FHIT: variants seen among roughly 807,000 people sequenced by gnomAD.
FHIT encodes bis(5'-adenosyl)-triphosphatase.
In FHIT, 19 loss-of-function variants were observed where a neutral mutation model predicts 17.9. The ratio of observed to expected loss-of-function variants is 1.06; its 90% CI spans 0.74 to 1.56. The LOEUF (loss-of-function observed/expected upper bound fraction) is 1.56. Among genes scored for constraint, FHIT ranks in the 40% most tolerant of loss-of-function variants. The pLI, the probability that FHIT is intolerant of heterozygous loss-of-function variation, is 0.00. For missense variants in FHIT, 248 were observed against 189.2 expected (o/e 1.31, Z -1.82); for synonymous variants, 81 against 69.7 (o/e 1.16, Z -0.81).
intron 5 of FHIT, among the ~76,000 whole-genome samples, chr3:60,442,980 G>C (rs568633356): frequency 3.3e-5 from 5 of 151,982 alleles, no homozygotes; most frequent in Admixed American, 2.0e-4. Flanking sequence ...CCTTGAAGAG[G>C]TCCTTCACAT....
chr3:60,536,862 C>T lies in FHIT; in HGVS notation c.101G>A (p.Gly34Glu), dbSNP rs760416104. 11 of 1,601,148 alleles carry T rather than the reference C, an allele frequency of 6.9e-6. No homozygotes were observed. Among genetic ancestry groups the T allele is most frequent in the Non-Finnish European group, 9.4e-6 (11 of 1,175,524 alleles). ...CCAAAAAAAAAAAGAAAGGATACGT[C>T]CTGGTACCACAGGTTTCCTATTCAC... is the stretch of plus-strand genomic sequence containing the variant. The part of the protein sequence containing the change: ...ALVNRKPVVP[G>E]HVLVCPLRPV... Residue 34 changes from glycine (G) to glutamate (E), a missense_variant and splice_region_variant, in exon 5 of 10, where the codon GGA (glycine) becomes GAA (glutamate). Coordinates refer to ENST00000492590, the MANE Select transcript of FHIT (RefSeq NM_002012.4).
At chr3:60,840,303 T>C (rs1413892194) in intron 3 of FHIT, among the ~76,000 whole-genome samples, 1 of 152,194 alleles carries the variant, frequency 6.6e-6, no homozygotes, top group African/African-American at 2.4e-5. Flanking sequence ...AATTTTCACA[T>C]CTTTCATGAT....
At chr3:60,576,802 C>T (rs1553657750) in intron 4 of FHIT, among the ~76,000 whole-genome samples, 2 of 152,044 alleles carry the variant, frequency 1.3e-5, no homozygotes, top group East Asian at 1.9e-4. Flanking sequence ...TTCCATGTAA[C>T]AGACAGGGTG....
intron 7 of FHIT, among the ~76,000 whole-genome samples, chr3:59,937,004 G>A (rs1335165821): frequency 6.6e-6 from 1 of 152,148 alleles, no homozygotes; most frequent in African/African-American, 2.4e-5. Flanking sequence ...CCTGGATGTA[G>A]AGACAGACAA....
chr3:60,299,474 C>T (rs1317322145), intron 5 of FHIT, among the ~76,000 whole-genome samples: 1 of 152,074 alleles, frequency 6.6e-6, no homozygotes, highest in Non-Finnish European at 1.5e-5. Flanking sequence ...AAGACATTTT[C>T]ACTAGACATA....
At chr3:61,101,951 T>A (rs1214414460) in intron 2 of FHIT, among the ~76,000 whole-genome samples, 1 of 152,206 alleles carries the variant, frequency 6.6e-6, no homozygotes, top group African/African-American at 2.4e-5. Flanking sequence ...AAGGAGATTT[T>A]GAGCTGAGAC....
chr3:60,421,352 G>A (rs1576628551), intron 5 of FHIT, among the ~76,000 whole-genome samples: 1 of 151,878 alleles, frequency 6.6e-6, no homozygotes, highest in Non-Finnish European at 1.5e-5. Flanking sequence ...TCACAGACTC[G>A]CATGTTTATC....
intron 5 of FHIT, among the ~76,000 whole-genome samples, chr3:60,392,457 T>A (rs1010490151): frequency 6.6e-6 from 1 of 152,090 alleles, no homozygotes; most frequent in African/African-American, 2.4e-5. Context: ...AAGGAAAAAA[T>A]TCACCTTGTT....
chr3:60,022,426 C>G (rs1055786601), intron 5 of FHIT, among the ~76,000 whole-genome samples: 3 of 152,142 alleles, frequency 2.0e-5, no homozygotes, highest in Non-Finnish European at 4.4e-5. Context: ...GAGTTGTGAG[C>G]GAAAATGATA....
At chr3:60,349,164 AT>A (rs766144802) in intron 5 of FHIT, among the ~76,000 whole-genome samples, 7 of 152,290 alleles carry the variant, frequency 4.6e-5, no homozygotes, top group East Asian at 3.9e-4. Flanking sequence ...AAAATTATTC[AT>A]TTTCTATTTT....
At chr3:60,398,941 A>G (rs1212312299) in intron 5 of FHIT, among the ~76,000 whole-genome samples, 1 of 152,170 alleles carries the variant, frequency 6.6e-6, no homozygotes, top group Non-Finnish European at 1.5e-5. Flanking sequence ...TAAGGAATAA[A>G]AGGTGGAAAG....
chr3:61,099,837 T>C (rs888947809), intron 2 of FHIT, among the ~76,000 whole-genome samples: 3 of 152,062 alleles, frequency 2.0e-5, no homozygotes, highest in Non-Finnish European at 4.4e-5. Context: ...AGTGGTCTAT[T>C]TTATTATTAA....
At chr3:60,385,264 G>A (rs914988175) in intron 5 of FHIT, among the ~76,000 whole-genome samples, 3 of 152,156 alleles carry the variant, frequency 2.0e-5, no homozygotes, top group Non-Finnish European at 2.9e-5. Flanking sequence ...TGGTGGAGAA[G>A]CATCCACTGT....
At chr3:59,925,122 C>T (rs1293375368) in intron 7 of FHIT, among the ~76,000 whole-genome samples, 1 of 151,274 alleles carries the variant, frequency 6.6e-6, no homozygotes, top group Non-Finnish European at 1.5e-5. Context: ...TTTCTCTCTC[C>T]CCACAGAATC....
intron 5 of FHIT, among the ~76,000 whole-genome samples, chr3:60,399,868 G>A (rs1215976096): frequency 6.6e-6 from 1 of 152,160 alleles, no homozygotes; most frequent in Admixed American, 6.6e-5. Context: ...TAGGCTAGCT[G>A]TCCATAGTGC....
chr3:59,940,248 G>A (rs767060209), intron 7 of FHIT, among the ~76,000 whole-genome samples: 12 of 152,124 alleles, frequency 7.9e-5, no homozygotes, highest in East Asian at 3.8e-4. Context: ...TGCTGCTGCC[G>A]CTGCCACGAT....
At chr3:60,229,874 C>T (rs1454398886) in intron 5 of FHIT, among the ~76,000 whole-genome samples, 1 of 152,100 alleles carries the variant, frequency 6.6e-6, no homozygotes, top group African/African-American at 2.4e-5. Flanking sequence ...CCCAGCTTCT[C>T]AAGAGGCTGT....
At chr3:60,989,112 G>C (rs1026741641) in intron 3 of FHIT, among the ~76,000 whole-genome samples, 4 of 152,026 alleles carry the variant, frequency 2.6e-5, no homozygotes, top group Admixed American at 2.6e-4. Context: ...TAAGTTCATG[G>C]ACAGCATACC....
chr3:60,120,338 C>T (rs1019743047), intron 5 of FHIT, among the ~76,000 whole-genome samples: 3 of 152,266 alleles, frequency 2.0e-5, no homozygotes, highest in African/African-American at 7.2e-5. Context: ...TTTAACAAAG[C>T]CAGAATTGAT....
Sources: allele counts gnomAD v4.1 joint callset (sites outside exome capture counted in the v4.1 genomes callset), GRCh38; gene constraint gnomAD v4.1.1; transcripts MANE v1.5; gene names NCBI Gene and HGNC (gene_info 2026-07-23, HGNC 2026-07-21).